Variants in WARS2 observed in about 807,000 individuals in gnomAD.
WARS2 encodes the protein tryptophanyl tRNA synthetase 2, mitochondrial, also known as tryptophan--tRNA ligase, mitochondrial.
Under a neutral mutation model 36.5 loss-of-function variants are expected in WARS2, and 28 were observed. That is an observed-to-expected ratio of 0.77 (90% CI 0.57 to 1.05). The LOEUF is 1.05. WARS2 is among the 50% of genes least tolerant of loss of function. WARS2 has a pLI of 0.00. For missense variants in WARS2, 435 were observed against 456.8 expected (o/e 0.95, Z 0.44); for synonymous variants, 174 against 178.4 (o/e 0.98, Z 0.20).
intron 1 of WARS2, among the ~76,000 whole-genome samples, chr1:119,089,370 AT>A (rs1167487795): frequency 6.6e-6 from 1 of 152,148 alleles, no homozygotes; most frequent in Non-Finnish European, 1.5e-5. Context: ...ACTCAGCCTT[AT>A]AGTAAGTTCG....
intron 3 of WARS2, among the ~76,000 whole-genome samples, chr1:119,042,633 AG>A (rs1165891819): frequency 6.6e-6 from 1 of 152,118 alleles, no homozygotes; most frequent in Non-Finnish European, 1.5e-5. Flanking sequence ...GTAAGGATAC[AG>A]GCATTTATTG....
At chr1:119,041,459 G>A (rs1483030850) in intron 4 of WARS2, among the ~76,000 whole-genome samples, 2 of 152,184 alleles carry the variant, frequency 1.3e-5, no homozygotes, top group Non-Finnish European at 2.9e-5. Flanking sequence ...GGCAGCAGTA[G>A]CTGACTGGAT....
intron 2 of WARS2, among the ~76,000 whole-genome samples, chr1:119,053,620 GA>G (rs1259060907): frequency 1.3e-5 from 2 of 152,016 alleles, no homozygotes; most frequent in East Asian, 3.8e-4. Context: ...AAGGTTTTTT[GA>G]ACTACATCGA....
At chr1:119,053,132 A>C (rs1302447734) in intron 2 of WARS2, among the ~76,000 whole-genome samples, 2 of 152,216 alleles carry the variant, frequency 1.3e-5, no homozygotes, top group African/African-American at 4.8e-5. Context: ...TCCCAGGCCA[A>C]ATCTGGCCTG....
At chr1:119,120,936 T>C (rs1266444575) in intron 1 of WARS2, among the ~76,000 whole-genome samples, 1 of 152,074 alleles carries the variant, frequency 6.6e-6, no homozygotes, top group Admixed American at 6.6e-5. Flanking sequence ...ACAGGCAACA[T>C]TATACTGCAT....
chr1:119,033,200 T>A lies in WARS2; in HGVS notation c.794A>T (p.Asp265Val), dbSNP rs761637504. The A allele has an allele frequency of 1.9e-6, 3 of 1,614,216 alleles. No homozygotes were observed. The South Asian group carries it at 3.3e-5, about 18-fold the overall frequency. ...GGACACGCCAGCGCGGCCAGCCGGG[T>A]CATAGGTGACCTCCGAGGTGAAGTC... is the stretch of plus-strand genomic sequence containing the variant. ...VTDFTSEVTY[D>V]PAGRAGVSNI... Residue 265 changes from aspartate (D) to valine (V), a missense_variant, in exon 6 of 6, where the codon GAC becomes GTC. Transcript: ENST00000235521.
chr1:119,097,230 A>G (rs1653503155), intron 1 of WARS2, among the ~76,000 whole-genome samples: 1 of 152,168 alleles, frequency 6.6e-6, no homozygotes, highest in African/African-American at 2.4e-5. Context: ...GAAATGTGTG[A>G]TTTTTAAAAA....
At chr1:119,135,788 GT>G (rs929023812) in intron 1 of WARS2, among the ~76,000 whole-genome samples, 23 of 151,554 alleles carry the variant, frequency 1.5e-4, no homozygotes, top group African/African-American at 4.4e-4. Context: ...GGGTTTTGGG[GT>G]TTTTTTGTTT....
At chr1:119,117,267 C>A (rs1571383483) in intron 1 of WARS2, among the ~76,000 whole-genome samples, 1 of 152,122 alleles carries the variant, frequency 6.6e-6, no homozygotes, top group East Asian at 1.9e-4. Context: ...ATAGTGGCTG[C>A]AGCAAGCCCC....
chr1:119,135,761 G>GATAGAGAGAGAGAT (rs765791930), intron 1 of WARS2, among the ~76,000 whole-genome samples: 2 of 87,080 alleles, frequency 2.3e-5, no homozygotes, highest in East Asian at 3.1e-4. Flanking sequence ...TAGAGAGATA[G>GATAGAGAGAGAGAT]AGAGAGAGAG....
intron 1 of WARS2, among the ~76,000 whole-genome samples, chr1:119,136,220 A>C (rs1009508352): frequency 6.6e-6 from 1 of 152,068 alleles, no homozygotes; most frequent in African/African-American, 2.4e-5. Flanking sequence ...CTGAGCAAGA[A>C]TTTGGAGGTC....
chr1:119,050,911 C>A (rs1330061397), intron 2 of WARS2, among the ~76,000 whole-genome samples: 1 of 151,978 alleles, frequency 6.6e-6, no homozygotes, highest in Non-Finnish European at 1.5e-5. Context: ...ATTGAAGGAA[C>A]CCTCAACTTC....
Position 119,034,208 on chromosome 1 carries a change from G to A in WARS2, c.521C>T (p.Thr174Ile), listed in dbSNP as rs1235445275. The A allele has an allele frequency of 3.7e-6, 6 of 1,613,340 alleles. No individual in the cohort carries two copies. Among genetic ancestry groups the A allele is most frequent in the Non-Finnish European group, 5.1e-6 (6 of 1,179,450 alleles). ...QAADILLYKS[T>I]HVPVGEDQVQ... ...TTGATCCTCCCCAACAGGAACGTGT[G>A]TGGACCTTTAATAAAAGACAGACAG... The change falls in exon 5 of 6, where the codon ACA (threonine) becomes ATA (isoleucine). Residue 174 changes from threonine to isoleucine, a missense_variant. Coordinates refer to ENST00000235521, the MANE Select transcript of WARS2 (RefSeq NM_015836.4).
intron 1 of WARS2, among the ~76,000 whole-genome samples, chr1:119,101,789 T>C (rs369074170): frequency 2.0e-5 from 3 of 152,192 alleles, no homozygotes; most frequent in African/African-American, 4.8e-5. Flanking sequence ...GCAGGCTCCT[T>C]AAGGGCCACT....
chr1:119,034,209 T>A lies in WARS2; in HGVS notation c.520A>T (p.Thr174Ser). The A allele has an allele frequency of 6.2e-7, 1 of 1,613,240 alleles. No homozygotes were observed. The highest frequency in any genetic ancestry group is 8.5e-7 in the Non-Finnish European group (1 of 1,179,372). The part of the protein sequence containing the change: ...QAADILLYKS[T>S]HVPVGEDQVQ... ...TGATCCTCCCCAACAGGAACGTGTG[T>A]GGACCTTTAATAAAAGACAGACAGA... The change falls in exon 5 of 6, where the codon ACA becomes TCA. Residue 174 changes from threonine to serine, a missense_variant. By Grantham distance (58) the Thr-to-Ser change is moderately conservative. Coordinates refer to ENST00000235521, the MANE Select transcript of WARS2 (RefSeq NM_015836.4).
At chr1:119,112,923 G>A (rs587754832) in intron 1 of WARS2, among the ~76,000 whole-genome samples, 2 of 152,258 alleles carry the variant, frequency 1.3e-5, no homozygotes, top group Admixed American at 6.5e-5. Context: ...GACTGCAAAG[G>A]GATTGAGAGT....
chr1:119,120,709 C>T (rs1655273633), intron 1 of WARS2, among the ~76,000 whole-genome samples: 1 of 152,098 alleles, frequency 6.6e-6, no homozygotes, highest in African/African-American at 2.4e-5. Flanking sequence ...AAGTGGGTTT[C>T]ATACCAGGGA....
At chr1:119,134,945 C>T (rs1242146264) in intron 1 of WARS2, among the ~76,000 whole-genome samples, 1 of 152,124 alleles carries the variant, frequency 6.6e-6, no homozygotes, top group African/African-American at 2.4e-5. Flanking sequence ...CAGTGACAGA[C>T]TGAATCCAAA....
intron 1 of WARS2, among the ~76,000 whole-genome samples, chr1:119,131,813 C>G (rs1308757457): frequency 1.3e-5 from 2 of 148,598 alleles, no homozygotes; most frequent in African/African-American, 2.4e-5. Flanking sequence ...TTATGAGAAG[C>G]CCCCACAGGC....
Sources: gnomAD v4.1 joint callset for allele counts (sites outside exome capture counted in the v4.1 genomes callset) on GRCh38, gnomAD v4.1.1 for gene constraint, MANE v1.5 for transcripts, NCBI Gene and HGNC (gene_info 2026-07-23, HGNC 2026-07-21) for gene names.